The following UTS2 variants were observed in gnomAD, a reference collection of about 807,000 sequenced individuals.
UTS2 encodes the protein urotensin 2.
In UTS2, 10 loss-of-function variants were observed where a neutral mutation model predicts 12.6. The ratio of observed to expected loss-of-function variants is 0.80; its 90% CI spans 0.49 to 1.35. The LOEUF (loss-of-function observed/expected upper bound fraction) is 1.35, where lower values mean the gene tolerates loss of function less well. UTS2 is among the 40% of genes most tolerant of loss of function. UTS2 has a pLI of 0.00. For synonymous variants in UTS2, 52 were observed against 50.0 expected, an observed-to-expected ratio of 1.04 and a Z score of -0.17; for missense variants, 142 against 143.2, an observed-to-expected ratio of 0.99 and a Z score of 0.04.
intron 3 of UTS2, among the ~76,000 whole-genome samples, chr1:7,848,282 T>C (rs2097409931): frequency 6.6e-6 from 1 of 151,906 alleles, no homozygotes; most frequent in African/African-American, 2.4e-5. Flanking sequence ...ACCTCGTCTC[T>C]ACAAAAATTA....
the UTS2 span, among the ~76,000 whole-genome samples, chr1:7,869,037 A>G: frequency 6.6e-6 from 1 of 152,118 alleles, no homozygotes; most frequent in Non-Finnish European, 1.5e-5. Context: ...TTAAGCTCCC[A>G]CTCTATGGTA....
At chr1:7,885,922 T>TGGG in the UTS2 span, among the ~76,000 whole-genome samples, 1 of 91,934 alleles carries the variant, frequency 1.1e-5, no homozygotes, top group African/African-American at 4.4e-5. Context: ...GGGGGGCGGG[T>TGGG]GGAGGTGGAG....
chr1:7,904,559 C>G, the UTS2 span, among the ~76,000 whole-genome samples: 1 of 151,664 alleles, frequency 6.6e-6, no homozygotes, highest in Non-Finnish European at 1.5e-5. Flanking sequence ...CTGATTATTG[C>G]TGTTTATTAC....
At chr1:7,858,375 G>A (rs61773396), upstream of UTS2, among the ~76,000 whole-genome samples, 34,211 of 152,080 alleles carry the variant, frequency 0.22, 4,604 homozygotes, top group Middle Eastern at 0.38. Flanking sequence ...AGTAACTTCT[G>A]AAAAGAGAGG....
chr1:7,847,790 A>G lies in UTS2; in HGVS notation c.351T>C (p.Asp117=). Residue 117 remains aspartate, a synonymous_variant, in exon 4 of 4, where the codon GAT becomes GAC. Transcript: ENST00000361696. The stretch of plus-strand genomic sequence containing the variant: ...TTCAGACACAGTATTTCCAGAAGCA[A>G]TCAGGAGTCTCACGTTTCTTGTATG... ...WKPYKKRETP[D]CFWKYCV is the part of the protein sequence containing the mutation. 1.2e-6 allele frequency: 2 copies of G among 1,613,692 alleles called. No individual in the cohort carries two copies. The highest frequency in any genetic ancestry group is 1.1e-5 in the South Asian group (1 of 91,004).
chr1:7,885,809 CAG>C, the UTS2 span, among the ~76,000 whole-genome samples: 1 of 145,276 alleles, frequency 6.9e-6, no homozygotes, highest in Admixed American at 7.1e-5. Context: ...GGGGCAGAGC[CAG>C]GAAAGGTGAG....
chr1:7,862,982 TGTGTTGTGTTG>T, the UTS2 span, among the ~76,000 whole-genome samples: 3 of 23,206 alleles, frequency 1.3e-4, no homozygotes, highest in East Asian at 1.8e-3. Context: ...CGTTATTTAT[TGTGTTGTGTTG>T]TATTGTATTG....
chr1:7,851,946 T>G (rs562775165), intron 1 of UTS2, among the ~76,000 whole-genome samples: 9 of 152,300 alleles, frequency 5.9e-5, no homozygotes, highest in Admixed American at 2.0e-4. Flanking sequence ...TTGAGATGTG[T>G]GCTGTTTCTT....
the UTS2 span, among the ~76,000 whole-genome samples, chr1:7,864,878 C>T: frequency 5.9e-5 from 9 of 152,028 alleles, no homozygotes; most frequent in East Asian, 7.7e-4. Flanking sequence ...CTCTTGGCCC[C>T]GATACCGTCT....
the UTS2 span, among the ~76,000 whole-genome samples, chr1:7,906,863 G>A: frequency 4.6e-5 from 7 of 152,148 alleles, no homozygotes; most frequent in African/African-American, 1.7e-4. Context: ...ATCAAGGAGA[G>A]TATGTGCCTG....
At chr1:7,853,139 A>C, upstream of UTS2, 1 of 1,458,648 alleles carries the variant, frequency 6.9e-7, no homozygotes, top group Non-Finnish European at 9.1e-7. Flanking sequence ...AAAAAAAAAA[A>C]ATGAATTTAT....
chr1:7,863,119 T>C, the UTS2 span, among the ~76,000 whole-genome samples: 1 of 150,034 alleles, frequency 6.7e-6, no homozygotes, highest in East Asian at 1.9e-4. Context: ...TATTGTATTG[T>C]ATTGTATTTG....
Position 7,849,676 on chromosome 1 carries a change from A to C in UTS2, c.222T>G (p.Ser74Arg). The change falls in exon 3 of 4, where the codon AGT becomes AGG. Residue 74 changes from serine to arginine, a missense_variant. Physicochemically the swap from Ser to Arg is moderately radical, Grantham distance 110 (BLOSUM62 -1). Coordinates refer to ENST00000361696, the MANE Select transcript of UTS2 (RefSeq NM_006786.4). Reference protein sequence around the residue: ...RGDILRKADSSTNIFNPRGNL... With the variant: ...RGDILRKADSRTNIFNPRGNL... The stretch of plus-strand genomic sequence containing the variant: ...TTCCTCTTGGGTTAAAAATGTTGGT[A>C]CTTGAGTCTGAAAAACAGTTTTGAA... The C allele has an allele frequency of 6.2e-7, 1 of 1,610,176 alleles. No homozygotes were observed. The highest frequency in any genetic ancestry group is 8.5e-7 in the Non-Finnish European group (1 of 1,179,128).
At chr1:7,867,134 T>G in the UTS2 span, among the ~76,000 whole-genome samples, 6 of 152,044 alleles carry the variant, frequency 3.9e-5, no homozygotes, top group Admixed American at 2.0e-4. Context: ...CCTCCCAGAG[T>G]GCTGAGATTA....
the UTS2 span, among the ~76,000 whole-genome samples, chr1:7,859,937 T>A: frequency 6.6e-6 from 1 of 152,048 alleles, no homozygotes; most frequent in Non-Finnish European, 1.5e-5. Flanking sequence ...AGGCGGAGGC[T>A]GCAGTGAGCC....
At chr1:7,853,651 G>T, upstream of UTS2, 1 of 497,392 alleles carries the variant, frequency 2.0e-6, no homozygotes, top group Admixed American at 3.8e-5. Context: ...TTCAGAGAAA[G>T]GAAATAACTT....
chr1:7,893,488 T>C, the UTS2 span, among the ~76,000 whole-genome samples: 1 of 118,098 alleles, frequency 8.5e-6, no homozygotes, highest in African/African-American at 3.6e-5. Flanking sequence ...CCAGACCCTG[T>C]CTCTAAATAA....
At chr1:7,907,210 C>T in the UTS2 span, among the ~76,000 whole-genome samples, 1,611 of 152,172 alleles carry the variant, frequency 0.011, 34 homozygotes, top group African/African-American at 0.037. Context: ...GAGCTGAGAT[C>T]GTGTCACTGC....
chr1:7,875,334 A>G, the UTS2 span, among the ~76,000 whole-genome samples: 1 of 152,140 alleles, frequency 6.6e-6, no homozygotes, highest in East Asian at 1.9e-4. Context: ...TCGGCCTCCC[A>G]AAGGACTGGG....
Sources: gnomAD v4.1 joint callset for allele counts (sites outside exome capture counted in the v4.1 genomes callset) on GRCh38, gnomAD v4.1.1 for gene constraint, MANE v1.5 for transcripts, NCBI Gene and HGNC (gene_info 2026-07-23, HGNC 2026-07-21) for gene names.